Variants in RTN1 observed in about 807,000 individuals in gnomAD.
RTN1 encodes the protein reticulon 1, also known as reticulon-1.
In RTN1, 25 loss-of-function variants were observed where a neutral mutation model predicts 65.5. That is an observed-to-expected ratio of 0.38 (90% CI 0.28 to 0.53). The LOEUF is 0.53. RTN1 is among the 20% of genes least tolerant of loss of function. RTN1 has a pLI of 0.79. For missense variants in RTN1, 983 were observed against 1,025.4 expected, an observed-to-expected ratio of 0.96 and a Z score of 0.57; for synonymous variants, 471 against 447.6, an observed-to-expected ratio of 1.05 and a Z score of -0.66.
intron 3 of RTN1, among the ~76,000 whole-genome samples, chr14:59,657,461 C>T (rs1013093402): frequency 1.4e-4 from 21 of 152,208 alleles, no homozygotes; most frequent in African/African-American, 4.8e-4. Flanking sequence ...GCAAGATGGC[C>T]TAATAGGAAC....
chr14:59,743,407 C>G (rs1045082486), intron 2 of RTN1, among the ~76,000 whole-genome samples: 2 of 152,158 alleles, frequency 1.3e-5, no homozygotes, highest in Non-Finnish European at 2.9e-5. Flanking sequence ...ACTGGACAAC[C>G]CGGGAGCTCT....
chr14:59,660,082 T>G (rs890894545), intron 3 of RTN1, among the ~76,000 whole-genome samples: 12 of 151,056 alleles, frequency 7.9e-5, no homozygotes, highest in African/African-American at 2.7e-4. Context: ...CAAGCAAGGG[T>G]TGCAATCCTA....
chr14:59,729,041 C>A (rs1884842611), intron 2 of RTN1, among the ~76,000 whole-genome samples: 1 of 152,124 alleles, frequency 6.6e-6, no homozygotes, highest in African/African-American at 2.4e-5. Context: ...GATGAGTTTG[C>A]AATTTTAAAT....
chr14:59,793,367 C>T (rs142860443), intron 1 of RTN1, among the ~76,000 whole-genome samples: 1 of 152,292 alleles, frequency 6.6e-6, no homozygotes, highest in East Asian at 1.9e-4. Flanking sequence ...TCCACCTTTA[C>T]TTTTAGCTGT....
At chr14:59,702,164 A>T (rs1434792720) in intron 3 of RTN1, among the ~76,000 whole-genome samples, 2 of 152,202 alleles carry the variant, frequency 1.3e-5, no homozygotes, top group African/African-American at 4.8e-5. Flanking sequence ...ATGCTTTTAG[A>T]TGAAGCATTG....
chr14:59,851,492 A>T (rs571003892), intron 1 of RTN1, among the ~76,000 whole-genome samples: 1 of 152,312 alleles, frequency 6.6e-6, no homozygotes, highest in East Asian at 1.9e-4. Flanking sequence ...TCTGGGGCTT[A>T]TTTCTCTAGA....
intron 3 of RTN1, among the ~76,000 whole-genome samples, chr14:59,622,368 T>G (rs1224931521): frequency 1.3e-5 from 2 of 152,056 alleles, no homozygotes; most frequent in Admixed American, 1.3e-4. Flanking sequence ...AAATGCCAAG[T>G]GAGAAAATGT....
At chr14:59,691,525 T>A (rs1026894799) in intron 3 of RTN1, among the ~76,000 whole-genome samples, 1 of 152,144 alleles carries the variant, frequency 6.6e-6, no homozygotes, top group Non-Finnish European at 1.5e-5. Context: ...CTGGTACCAA[T>A]TCTACTGAAA....
intron 2 of RTN1, among the ~76,000 whole-genome samples, chr14:59,732,589 G>T (rs925823348): frequency 6.6e-6 from 1 of 152,166 alleles, no homozygotes; most frequent in Admixed American, 6.5e-5. Flanking sequence ...ATGGATCTTT[G>T]CAACTCTCGG....
At chr14:59,749,200 A>ATATATC (rs1885311196) in intron 1 of RTN1, among the ~76,000 whole-genome samples, 1 of 56,670 alleles carries the variant, frequency 1.8e-5, no homozygotes, top group African/African-American at 1.2e-4. Flanking sequence ...ATATATATCT[A>ATATATC]TATATATATC....
chr14:59,721,197 C>A (rs1884640074), intron 3 of RTN1, among the ~76,000 whole-genome samples: 1 of 152,176 alleles, frequency 6.6e-6, no homozygotes, highest in African/African-American at 2.4e-5. Flanking sequence ...ACAAATCACC[C>A]CTCCAAGGAA....
At position 59,836,274 on chromosome 14, in the gene RTN1, T is replaced by C. The variant is rs966746405; in HGVS notation, c.241+34116A>G. Among the ~76,000 whole-genome samples, 9 of 152,370 alleles carry C rather than the reference T, an allele frequency of 5.9e-5. No homozygotes were observed. The highest frequency in any genetic ancestry group is 1.3e-4 in the Non-Finnish European group (9 of 68,028). On this transcript the variant is annotated intron_variant, in intron 1 of 8. Coordinates refer to ENST00000267484, the MANE Select transcript of RTN1 (RefSeq NM_021136.3). This position sits in a 1 kb window ranked among gnomAD's most constrained non-coding sequence, Gnocchi z 4.9. ...GCCATTATTCTGCCTACCACTGCAG[T>C]TAGCATTTTTGGATTCACATGTGCC...
chr14:59,763,265 A>G (rs1277756728), intron 1 of RTN1, among the ~76,000 whole-genome samples: 6 of 152,206 alleles, frequency 3.9e-5, no homozygotes, highest in Non-Finnish European at 5.9e-5. Context: ...GTCCTTTATC[A>G]ACAGCAGTAT....
intron 3 of RTN1, among the ~76,000 whole-genome samples, chr14:59,624,886 A>G (rs1882351626): frequency 6.6e-6 from 1 of 152,254 alleles, no homozygotes; most frequent in Non-Finnish European, 1.5e-5. Flanking sequence ...CAAAAAGAAA[A>G]GTGTTATTCT....
At chr14:59,826,433 T>G (rs1161161558) in intron 1 of RTN1, among the ~76,000 whole-genome samples, 1 of 152,218 alleles carries the variant, frequency 6.6e-6, no homozygotes, top group Non-Finnish European at 1.5e-5. Context: ...TGGATTCCAG[T>G]GAGCTATGTC....
At chr14:59,664,087 G>T (rs1037021581) in intron 3 of RTN1, among the ~76,000 whole-genome samples, 7 of 152,044 alleles carry the variant, frequency 4.6e-5, no homozygotes, top group African/African-American at 1.7e-4. Flanking sequence ...GCAATGATAC[G>T]CTGGATAAAG....
chr14:59,807,962 G>A (rs1021900318), intron 1 of RTN1, among the ~76,000 whole-genome samples: 1 of 152,032 alleles, frequency 6.6e-6, no homozygotes, highest in Non-Finnish European at 1.5e-5. Context: ...AAAAATTCAG[G>A]ACCCTCTAAA....
At chr14:59,844,553 A>G (rs1202064343) in intron 1 of RTN1, among the ~76,000 whole-genome samples, 1 of 152,172 alleles carries the variant, frequency 6.6e-6, no homozygotes, top group African/African-American at 2.4e-5. Flanking sequence ...TGAAGACATT[A>G]AGTAGAATGG....
At chr14:59,826,701 C>A (rs1594757818) in intron 1 of RTN1, among the ~76,000 whole-genome samples, 1 of 152,066 alleles carries the variant, frequency 6.6e-6, no homozygotes, top group African/African-American at 2.4e-5. Flanking sequence ...GTGTTTCTAC[C>A]CAGGCAGCAC....
Sources: allele counts gnomAD v4.1 joint callset (sites outside exome capture counted in the v4.1 genomes callset), GRCh38; gene constraint gnomAD v4.1.1; non-coding constraint Gnocchi (gnomAD v3.1); transcripts MANE v1.5; gene names NCBI Gene and HGNC (gene_info 2026-07-23, HGNC 2026-07-21).